The following SNX29 variants were observed in gnomAD, a reference collection of about 807,000 sequenced individuals.
SNX29 encodes the protein sorting nexin-29.
A neutral mutation model predicts 102.1 loss-of-function variants in SNX29; 78 were observed. That is an observed-to-expected ratio of 0.76 (90% confidence interval 0.64 to 0.92). SNX29 has a LOEUF of 0.92. SNX29 is among the 40% of genes least tolerant of loss of function. The pLI is 0.00. For synonymous variants in SNX29, 580 were observed against 414.5 expected (o/e 1.40, Z -4.85); for missense variants, 1,280 against 1,061.7 (o/e 1.21, Z -2.86).
intron 13 of SNX29, among the ~76,000 whole-genome samples, chr16:12,162,535 T>C (rs2055833059): frequency 6.6e-6 from 1 of 152,258 alleles, no homozygotes; most frequent in African/African-American, 2.4e-5. Context: ...TGGACATGCC[T>C]GTGTTCCACT....
At chr16:12,565,868 G>A (rs182507644) in intron 20 of SNX29, among the ~76,000 whole-genome samples, 7 of 152,268 alleles carry the variant, frequency 4.6e-5, no homozygotes, top group Non-Finnish European at 8.8e-5. Context: ...TCTGTGCCCT[G>A]CTCAGAACAA....
rs2085052290 is a variant in SNX29, at chr16:12,425,795, T to C, written c.2037+22266T>C. 5.3e-5 allele frequency among the ~76,000 whole-genome samples: 8 copies of C among 152,190 alleles called. No homozygotes were observed. The South Asian group carries it at 1.7e-3, about 32-fold the overall frequency. On this transcript the variant is annotated intron_variant, in intron 18 of 20. Coordinates refer to ENST00000566228, the MANE Select transcript of SNX29 (RefSeq NM_032167.5). ...AATTCCTCTCGGAATTCCTCTCCTA[T>C]TGTGAGCATCTTGTGCTGAGAGCTA...
At chr16:12,376,924 G>A (rs1273863933) in intron 16 of SNX29, among the ~76,000 whole-genome samples, 1 of 152,016 alleles carries the variant, frequency 6.6e-6, no homozygotes, top group Non-Finnish European at 1.5e-5. Context: ...TTGGTTTGGG[G>A]AACTTGGTTT....
At position 12,573,500 on chromosome 16, in the gene SNX29, G is replaced by T. The variant is rs551746167; in HGVS notation, c.*4871G>T. The T allele has an allele frequency of 1.8e-5, 4 of 224,826 alleles. No homozygotes were observed. In the East Asian group the frequency reaches 2.6e-4, roughly 15 times the overall value. 13.9% of individuals were successfully genotyped at this position (224,826 alleles called of 1,614,324 possible). A position where few individuals can be genotyped will look rare whatever the true frequency, so the allele number is the denominator to read the frequency against. ...GCGGAAGATTCTAGATTCACTGGTG[G>T]TTTAAGAGGCCCAGGGATTTAGTTC... On this transcript the variant is annotated 3_prime_UTR_variant, in exon 21 of 21. Coordinates refer to ENST00000566228, the MANE Select transcript of SNX29 (RefSeq NM_032167.5).
At position 12,225,852 on chromosome 16, in the gene SNX29, C is replaced by T. The variant is rs548898706; in HGVS notation, c.1678+26169C>T. Among the ~76,000 whole-genome samples the T allele has an allele frequency of 6.6e-5, 10 of 152,264 alleles. No individual in the cohort carries two copies. In the South Asian group the frequency reaches 2.1e-3, roughly 32 times the overall value. On this transcript the variant is annotated intron_variant, in intron 14 of 20. Coordinates refer to ENST00000566228, the MANE Select transcript of SNX29 (RefSeq NM_032167.5). ...TCCAGCCCACATTGACTTGGGCACC[C>T]TCAATGTAGTTAACTCCACAATAAT...
Position 12,099,371 on chromosome 16 carries a change from G to A in SNX29, c.1402+20456G>A, listed in dbSNP as rs117464060. 8.0e-3 allele frequency among the ~76,000 whole-genome samples: 1,212 copies of A among 152,260 alleles called. 6 individuals carry two copies. Among genetic ancestry groups the A allele is most frequent in the Middle Eastern group, 0.041 (12 of 294 alleles). Reference sequence around the variant, plus strand: ...TCCACTGAAGGAAGGAAGAGGCACCGTGATTTTTGAATGGGGTTGTGTAGC... The same window carrying A: ...TCCACTGAAGGAAGGAAGAGGCACCATGATTTTTGAATGGGGTTGTGTAGC... On this transcript the variant is annotated intron_variant, in intron 11 of 20. Coordinates refer to ENST00000566228, the MANE Select transcript of SNX29 (RefSeq NM_032167.5).
intron 8 of SNX29, among the ~76,000 whole-genome samples, chr16:12,059,313 G>T (rs913331478): frequency 6.6e-6 from 1 of 152,148 alleles, no homozygotes; most frequent in Admixed American, 6.5e-5. Context: ...TCTGGGTGCC[G>T]GCTCCGTGGT....
intron 4 of SNX29, among the ~76,000 whole-genome samples, chr16:12,040,226 A>G (rs2151170114): frequency 6.6e-6 from 1 of 152,158 alleles, no homozygotes; most frequent in African/African-American, 2.4e-5. Context: ...TAAAAATTAA[A>G]AAGTTAGCTG....
Position 12,356,240 on chromosome 16 carries a change from G to T in SNX29, c.1860G>T (p.Val620=), listed in dbSNP as rs894467357. The T allele has an allele frequency of 1.2e-6, 2 of 1,612,636 alleles. No individual in the cohort carries two copies. The highest frequency in any genetic ancestry group is 1.7e-6 in the Non-Finnish European group (2 of 1,179,470). The change falls in exon 16 of 21, where the codon GTG becomes GTT. Residue 620 remains valine, a synonymous_variant. Coordinates refer to ENST00000566228, the MANE Select transcript of SNX29 (RefSeq NM_032167.5). ...CCCTGGTAGCCAAGGAAGCCCTCGT[G>T]TCCCAGATGAGGCAGGAGCTCATCG... ...HRALVAKEAL[V]SQMRQELIDL... is the part of the protein sequence containing the mutation.
chr16:12,130,191 A>G (rs561294688), intron 13 of SNX29, among the ~76,000 whole-genome samples: 2 of 151,558 alleles, frequency 1.3e-5, no homozygotes, highest in East Asian at 3.9e-4. Flanking sequence ...TAAAAAAAAA[A>G]AAAAGCCGGG....
At chr16:12,277,332 C>G (rs190582800) in intron 14 of SNX29, among the ~76,000 whole-genome samples, 57 of 152,048 alleles carry the variant, frequency 3.7e-4, no homozygotes, top group South Asian at 8.3e-4. Context: ...CCCAGGAGTT[C>G]GAGGCTGTAG....
intron 20 of SNX29, among the ~76,000 whole-genome samples, chr16:12,531,191 C>A (rs1011827804): frequency 6.6e-6 from 1 of 152,210 alleles, no homozygotes; most frequent in African/African-American, 2.4e-5. Flanking sequence ...GTGTGCAGAA[C>A]AGCTGCAAGA....
intron 19 of SNX29, among the ~76,000 whole-genome samples, chr16:12,486,282 C>G (rs1293886581): frequency 6.6e-6 from 1 of 152,210 alleles, no homozygotes; most frequent in Non-Finnish European, 1.5e-5. Flanking sequence ...CCAGATTATC[C>G]AGGGTAATGT....
chr16:12,545,264 T>G (rs1361201066), intron 20 of SNX29, among the ~76,000 whole-genome samples: 1 of 152,230 alleles, frequency 6.6e-6, no homozygotes, highest in Non-Finnish European at 1.5e-5. Context: ...CAAAGAGTAC[T>G]GTTGAGAAAT....
intron 19 of SNX29, among the ~76,000 whole-genome samples, chr16:12,492,272 C>A (rs372186903): frequency 6.6e-6 from 1 of 152,190 alleles, no homozygotes; most frequent in East Asian, 1.9e-4. Flanking sequence ...GCATTTCTCT[C>A]ATGGCCAGTG....
At chr16:12,062,312 G>C (rs1351491287) in intron 9 of SNX29, among the ~76,000 whole-genome samples, 2 of 151,744 alleles carry the variant, frequency 1.3e-5, no homozygotes, top group Non-Finnish European at 2.9e-5. Flanking sequence ...CCGGGAGGTG[G>C]AGGTTGCAGT....
Position 12,420,890 on chromosome 16 carries a change from C to T in SNX29, c.2037+17361C>T, listed in dbSNP as rs550321078. Among the ~76,000 whole-genome samples the T allele has an allele frequency of 3.3e-4, 50 of 152,300 alleles. No individual in the cohort carries two copies. In the East Asian group the frequency reaches 8.3e-3, roughly 25 times the overall value. Reference sequence around the variant, plus strand: ...AGCGAGGGAAGGAGGGAGCCACCAGCGCTGCTGAGAGCACCACCTTCTTGT... The same window carrying T: ...AGCGAGGGAAGGAGGGAGCCACCAGTGCTGCTGAGAGCACCACCTTCTTGT... On this transcript the variant is annotated intron_variant, in intron 18 of 20. Coordinates refer to ENST00000566228, the MANE Select transcript of SNX29 (RefSeq NM_032167.5).
intron 20 of SNX29, among the ~76,000 whole-genome samples, chr16:12,550,362 C>G (rs113016163): frequency 2.6e-5 from 4 of 152,028 alleles, no homozygotes; most frequent in African/African-American, 9.7e-5. Flanking sequence ...AGAGGAAAAC[C>G]CATCTCTACT....
At chr16:12,560,093 A>G (rs1022427562) in intron 20 of SNX29, among the ~76,000 whole-genome samples, 1 of 152,036 alleles carries the variant, frequency 6.6e-6, no homozygotes, top group Non-Finnish European at 1.5e-5. Flanking sequence ...GTGGTTATCC[A>G]CAAAGGATGA....
Sources: gnomAD v4.1 joint callset for allele counts (sites outside exome capture counted in the v4.1 genomes callset) on GRCh38, gnomAD v4.1.1 for gene constraint, MANE v1.5 for transcripts, NCBI Gene and HGNC (gene_info 2026-07-23, HGNC 2026-07-21) for gene names.